The following ARMH1 variants were observed in gnomAD, a reference collection of about 807,000 sequenced individuals.
ARMH1 encodes armadillo-like helical domain containing protein 1.
In ARMH1, 34 loss-of-function variants were observed where a neutral mutation model predicts 50.2. The observed-to-expected ratio is 0.68, with a 90% CI of 0.51 to 0.90. The LOEUF is 0.90. Among genes scored for constraint, ARMH1 ranks in the 40% least tolerant of loss-of-function variants. The pLI is 0.00. For synonymous variants in ARMH1, 221 were observed against 224.2 expected (o/e 0.99, Z 0.13); for missense variants, 538 against 553.9 (o/e 0.97, Z 0.29).
rs560769011 is a variant in ARMH1 at position 44,684,045 on chromosome 1, T to C, written c.-22-5631T>C. Among the ~76,000 whole-genome samples the C allele has an allele frequency of 2.6e-5, 4 of 151,940 alleles. No homozygotes were observed. In the South Asian group the frequency reaches 8.3e-4, roughly 32 times the overall value. ...AGTGTGTGAGTGTGTGTGCGTATGG[T>C]GTGTGGATAGCTCTTAATCAACACT... On this transcript the variant is annotated intron_variant, in intron 1 of 11. Coordinates refer to ENST00000535358, the MANE Select transcript of ARMH1 (RefSeq NM_001145636.2).
chr1:44,719,852 T>C (rs993807727), intron 6 of ARMH1, among the ~76,000 whole-genome samples: 4 of 152,152 alleles, frequency 2.6e-5, no homozygotes, highest in African/African-American at 9.7e-5. Context: ...TGGTGCCCAG[T>C]TCTGGGGTGG....
intron 6 of ARMH1, among the ~76,000 whole-genome samples, chr1:44,713,533 CCTG>C (rs1225202861): frequency 4.6e-5 from 7 of 152,148 alleles, no homozygotes; most frequent in Non-Finnish European, 1.0e-4. Flanking sequence ...CACATAAAAA[CCTG>C]CTATTTTTAA....
intron 1 of ARMH1, among the ~76,000 whole-genome samples, chr1:44,680,681 G>C (rs914082067): frequency 1.3e-5 from 2 of 152,172 alleles, no homozygotes; most frequent in Admixed American, 1.3e-4. Flanking sequence ...GGGAAGATGG[G>C]AAGATTGAAG....
At chr1:44,696,846 A>G (rs1172049021) in intron 2 of ARMH1, among the ~76,000 whole-genome samples, 3 of 152,150 alleles carry the variant, frequency 2.0e-5, no homozygotes, top group African/African-American at 7.2e-5. Context: ...CTTGTTCCCT[A>G]GAAAGCCTGT....
intron 6 of ARMH1, among the ~76,000 whole-genome samples, chr1:44,721,288 A>G (rs1404631260): frequency 2.6e-5 from 4 of 152,174 alleles, no homozygotes; most frequent in Admixed American, 6.5e-5. Context: ...TTGTGTCCCC[A>G]GGTACCTGAT....
At chr1:44,712,675 T>C (rs896989299) in intron 6 of ARMH1, among the ~76,000 whole-genome samples, 3 of 151,766 alleles carry the variant, frequency 2.0e-5, no homozygotes, top group Non-Finnish European at 4.4e-5. Context: ...TTTCTTTTTT[T>C]TTTTTTGAGA....
chr1:44,680,997 T>C (rs888995488), intron 1 of ARMH1, among the ~76,000 whole-genome samples: 22 of 120,420 alleles, frequency 1.8e-4, no homozygotes, highest in African/African-American at 2.1e-4. Context: ...TCCGATCCCC[T>C]TTTTTTTTTT....
At chr1:44,700,824 G>C in intron 4 of ARMH1, 99 bp from the exon 5 acceptor site, 1 of 1,091,022 alleles carries the variant, frequency 9.2e-7, no homozygotes, top group East Asian at 2.6e-5. Context: ...GAACAGGCTT[G>C]GTTGAAGAGC....
chr1:44,703,001 T>C (rs1646160779), intron 5 of ARMH1, among the ~76,000 whole-genome samples: 1 of 151,776 alleles, frequency 6.6e-6, no homozygotes, highest in African/African-American at 2.4e-5. Context: ...GGCTTAGATG[T>C]AAAGGGAAAA....
Position 44,725,484 on chromosome 1 carries a change from A to G in ARMH1, c.*81A>G. ...GAGGAAGGCGCCTGGGGTCAAGCTC[A>G]GAGCCACTCCACTTGGCTCCAGGGG... On this transcript the variant is annotated 3_prime_UTR_variant, in exon 12 of 12. Transcript: ENST00000535358. 7.9e-6 allele frequency: 11 copies of G among 1,389,086 alleles called. No individual in the cohort carries two copies. The South Asian group carries it at 1.4e-4, about 17-fold the overall frequency. 86.0% of individuals were successfully genotyped at this position (1,389,086 alleles called of 1,614,324 possible). A position where few individuals can be genotyped will look rare whatever the true frequency, so the allele number is the denominator to read the frequency against.
chr1:44,702,485 G>A (rs1381928004), intron 5 of ARMH1, among the ~76,000 whole-genome samples: 3 of 152,026 alleles, frequency 2.0e-5, no homozygotes, highest in Non-Finnish European at 2.9e-5. Flanking sequence ...AGGCCGAGGT[G>A]GGTGGATCAT....
intron 6 of ARMH1, 32 bp downstream of exon 6, chr1:44,704,205 C>G: frequency 8.1e-6 from 12 of 1,486,870 alleles, no homozygotes; most frequent in Non-Finnish European, 1.1e-5. Context: ...GAAGGGGGCA[C>G]CGAGAGCCAG....
intron 10 of ARMH1, 59 bp from the exon 11 acceptor site, chr1:44,725,077 A>G (rs1467277520): frequency 5.8e-6 from 9 of 1,548,726 alleles, no homozygotes; most frequent in South Asian, 4.8e-5. Flanking sequence ...TGCCAAGCCC[A>G]ACTCCAAGTC....
At chr1:44,720,678 G>A (rs1003100440) in intron 6 of ARMH1, among the ~76,000 whole-genome samples, 63 of 152,126 alleles carry the variant, frequency 4.1e-4, no homozygotes, top group Admixed American at 3.4e-3. Flanking sequence ...CAGGCCAGGG[G>A]CAGCTTCCTG....
chr1:44,721,769 T>C (rs572311562), intron 6 of ARMH1: 1 of 152,252 alleles, frequency 6.6e-6, no homozygotes, highest in East Asian at 1.9e-4. Context: ...ACGTCTCTCT[T>C]TAGTAACAGA....
Position 44,724,324 on chromosome 1 carries a change from C to G in ARMH1, c.852C>G (p.Pro284=). The G allele has an allele frequency of 6.4e-7, 1 of 1,551,598 alleles. No individual in the cohort carries two copies. Among genetic ancestry groups the G allele is most frequent in the Non-Finnish European group, 8.7e-7 (1 of 1,146,976 alleles). Residue 284 remains proline (P), a synonymous_variant, in exon 8 of 12, where the codon CCC becomes CCG. Transcript: ENST00000535358. This position sits in a 1 kb window ranked among gnomAD's most constrained non-coding sequence, Gnocchi z 6.4. ...SKLQAKILSD[P]SVLQLTPSLP... is the part of the protein sequence containing the mutation. Reference sequence around the variant, plus strand: ...TCACGGCTGCCCCCTCCTCAGACCCCTCGGTTCTCCAGCTCACCCCCAGCC... The same window carrying G: ...TCACGGCTGCCCCCTCCTCAGACCCGTCGGTTCTCCAGCTCACCCCCAGCC...
intron 6 of ARMH1, among the ~76,000 whole-genome samples, chr1:44,721,464 A>G (rs1239299536): frequency 2.0e-5 from 3 of 152,252 alleles, no homozygotes; most frequent in Admixed American, 6.5e-5. Flanking sequence ...GACTCACAAG[A>G]CTTCAGCCAA....
Position 44,674,776 on chromosome 1 carries a change from C to T in ARMH1, c.-120C>T, listed in dbSNP as rs769071628. ...GAATGGGCAGGGTCACTCGTCCGAA[C>T]AGAGTCCTATCCTACGCGGCGGAAG... On this transcript the variant is annotated 5_prime_UTR_variant, in exon 1 of 12. Coordinates refer to ENST00000535358, the MANE Select transcript of ARMH1 (RefSeq NM_001145636.2). 3 of 207,890 alleles carry T rather than the reference C, an allele frequency of 1.4e-5. No individual in the cohort carries two copies. Among genetic ancestry groups the T allele is most frequent in the Non-Finnish European group, 2.9e-5 (3 of 102,294 alleles). 12.9% of individuals were successfully genotyped at this position (207,890 alleles called of 1,614,324 possible).
intron 6 of ARMH1, among the ~76,000 whole-genome samples, chr1:44,704,721 A>G (rs1646257241): frequency 6.6e-6 from 1 of 152,022 alleles, no homozygotes; most frequent in Admixed American, 6.6e-5. Context: ...TATGTTGCCC[A>G]GGCTGGTCTT....
Sources: allele counts gnomAD v4.1 joint callset (sites outside exome capture counted in the v4.1 genomes callset), GRCh38; gene constraint gnomAD v4.1.1; non-coding constraint Gnocchi (gnomAD v3.1); transcripts MANE v1.5; gene names NCBI Gene and HGNC (gene_info 2026-07-23, HGNC 2026-07-21).